The following KCNK2 variants were observed in gnomAD, a reference collection of about 807,000 sequenced individuals.
KCNK2 encodes potassium channel subfamily K member 2.
KCNK2 carries 21 observed loss-of-function variants against 40.5 expected under a neutral mutation model. The ratio of observed to expected loss-of-function variants is 0.52; its 90% CI spans 0.37 to 0.75. The LOEUF is 0.75. Among genes scored for constraint, KCNK2 ranks in the 30% least tolerant of loss-of-function variants. The pLI is 0.00. For synonymous variants in KCNK2, 191 were observed against 202.2 expected (o/e 0.94, Z 0.47); for missense variants, 399 against 531.6 (o/e 0.75, Z 2.45).
intron 6 of KCNK2, among the ~76,000 whole-genome samples, chr1:215,221,597 G>A (rs1395866083): frequency 6.6e-6 from 1 of 151,900 alleles, no homozygotes; most frequent in Non-Finnish European, 1.5e-5. Context: ...CCATCATAAC[G>A]GCCTTCATCC....
At chr1:215,164,716 A>G (rs971320384) in intron 3 of KCNK2, among the ~76,000 whole-genome samples, 5 of 152,118 alleles carry the variant, frequency 3.3e-5, no homozygotes, top group African/African-American at 7.2e-5. Context: ...TCACAGCTTC[A>G]GGGTCACTTA....
chr1:215,082,853 C>A lies in KCNK2; in HGVS notation c.-533C>A, dbSNP rs949693565. On this transcript the variant is annotated 5_prime_UTR_variant, in exon 1 of 7. Coordinates refer to ENST00000444842, the MANE Select transcript of KCNK2 (RefSeq NM_001017425.3). The stretch of plus-strand genomic sequence containing the variant: ...CCCCCGCGGGGCACGGAGGGCATTG[C>A]GGGGGGAGACACACAAAGACATGCG... Among the ~76,000 whole-genome samples the A allele has an allele frequency of 3.3e-5, 5 of 152,004 alleles. No individual in the cohort carries two copies. The highest frequency in any genetic ancestry group is 2.6e-4 in the Admixed American group (4 of 15,290).
In KCNK2 at chr1:215,083,437, A is replaced by ACC. The variant is rs574383045; in HGVS notation, c.46+12_46+13dup. On this transcript the variant is annotated splice_region_variant and intron_variant, in intron 1 of 6. Coordinates refer to ENST00000444842, the MANE Select transcript of KCNK2 (RefSeq NM_001017425.3). ...ACCCGGCTATAGAGCAGGAGGTGAG[A>ACC]CCCCCCCTCCGGTACCCCCACCCCT... 9 of 1,604,654 alleles carry ACC rather than the reference A, an allele frequency of 5.6e-6. No homozygotes were observed. Among genetic ancestry groups the ACC allele is most frequent in the East Asian group, 2.2e-5 (1 of 44,682 alleles).
intron 2 of KCNK2, among the ~76,000 whole-genome samples, chr1:215,092,068 C>G (rs1446112734): frequency 6.6e-6 from 1 of 152,040 alleles, no homozygotes; most frequent in African/African-American, 2.4e-5. Context: ...GAAAATAGAC[C>G]ACACAAGGCA....
At chr1:215,020,812 T>C (rs1360218829) in intron 1 of KCNK2, among the ~76,000 whole-genome samples, 2 of 152,176 alleles carry the variant, frequency 1.3e-5, no homozygotes, top group Non-Finnish European at 2.9e-5. Flanking sequence ...TAGAGTTTGC[T>C]TTATACTTTA....
intron 3 of KCNK2, among the ~76,000 whole-genome samples, chr1:215,142,264 T>G (rs1662216262): frequency 6.6e-6 from 1 of 152,152 alleles, no homozygotes. Context: ...CCAAACATAT[T>G]CTGGGTCCTG....
intron 1 of KCNK2, among the ~76,000 whole-genome samples, chr1:215,011,586 C>T (rs1014144811): frequency 6.6e-6 from 1 of 151,706 alleles, no homozygotes; most frequent in African/African-American, 2.4e-5. Context: ...GTCACCATGC[C>T]CGGCCTTGAG....
At chr1:215,088,261 C>T (rs1659541040) in intron 2 of KCNK2, among the ~76,000 whole-genome samples, 1 of 152,132 alleles carries the variant, frequency 6.6e-6, no homozygotes, top group South Asian at 2.1e-4. Flanking sequence ...GCAGTAAAAG[C>T]TTCAACTTTG....
At chr1:215,038,458 C>A (rs1657458364) in intron 1 of KCNK2, among the ~76,000 whole-genome samples, 1 of 152,048 alleles carries the variant, frequency 6.6e-6, no homozygotes, top group Admixed American at 6.6e-5. Context: ...GTAGCCCCTT[C>A]CATTTTCTGG....
chr1:215,007,027 A>ATATATGTGTGTGTG (rs1656157008), intron 1 of KCNK2, among the ~76,000 whole-genome samples: 1 of 56,152 alleles, frequency 1.8e-5, no homozygotes, highest in Non-Finnish European at 4.2e-5. Flanking sequence ...ATATATATAT[A>ATATATGTGTGTGTG]TATATATATA....
chr1:215,195,145 T>C, intron 6 of KCNK2, 53 bp downstream of exon 6: 2 of 1,234,926 alleles, frequency 1.6e-6, no homozygotes, highest in Non-Finnish European at 2.2e-6. Flanking sequence ...TCAATAAAGG[T>C]TATTTTAAAT....
At chr1:215,229,165 T>G (rs1391541732) in intron 6 of KCNK2, among the ~76,000 whole-genome samples, 1 of 152,090 alleles carries the variant, frequency 6.6e-6, no homozygotes, top group Non-Finnish European at 1.5e-5. Context: ...GTCAAAGGAT[T>G]AGATACCCCT....
chr1:215,135,275 T>C (rs1312525365), intron 3 of KCNK2, among the ~76,000 whole-genome samples: 1 of 152,158 alleles, frequency 6.6e-6, no homozygotes, highest in African/African-American at 2.4e-5. Flanking sequence ...AAAGCTAGTG[T>C]GATTCTGGGC....
At position 215,132,021 on chromosome 1, in the gene KCNK2, A is replaced by C. The variant is rs1230508796; in HGVS notation, c.475+7271A>C. On this transcript the variant is annotated intron_variant, in intron 3 of 6. Coordinates refer to ENST00000444842, the MANE Select transcript of KCNK2 (RefSeq NM_001017425.3). ...AGTAATTACGAAAACAAAACAAAAC[A>C]AAAAAACACCAGGAAGAAAATTAAA... Among the ~76,000 whole-genome samples, 4 of 152,216 alleles carry C rather than the reference A, an allele frequency of 2.6e-5. No homozygotes were observed. The East Asian group carries it at 7.7e-4, about 29-fold the overall frequency.
Position 215,083,204 on chromosome 1 carries a change from G to GGCCACC in KCNK2, c.-182_-181insGCCACC. The GGCCACC allele has an allele frequency of 7.3e-6, 2 of 273,550 alleles. No homozygotes were observed. The highest frequency in any genetic ancestry group is 1.3e-5 in the Non-Finnish European group (2 of 155,378). The allele number at this position is 273,550 out of a possible 1,614,324, so 16.9% of individuals were successfully genotyped here. On this transcript the variant is annotated 5_prime_UTR_variant, in exon 1 of 7. Transcript: ENST00000444842. ...CGTTTCTTCTCACGCTCCCCCCCCC[G>GGCCACC]CCCCCTCCCGCGTCCAGCCCCGCTC...
At chr1:215,069,079 C>T (rs1350793280) in intron 1 of KCNK2, among the ~76,000 whole-genome samples, 3 of 152,140 alleles carry the variant, frequency 2.0e-5, no homozygotes, top group African/African-American at 4.8e-5. Flanking sequence ...CAGATAGCAG[C>T]AGTACAAATG....
intron 6 of KCNK2, among the ~76,000 whole-genome samples, chr1:215,213,174 T>C (rs1665812438): frequency 3.9e-5 from 6 of 152,226 alleles, no homozygotes; most frequent in Admixed American, 3.9e-4. Flanking sequence ...CTCTGCATTT[T>C]ACCAGTGGGA....
chr1:215,070,261 A>G (rs1188980653), intron 1 of KCNK2, among the ~76,000 whole-genome samples: 1 of 151,530 alleles, frequency 6.6e-6, no homozygotes, highest in African/African-American at 2.4e-5. Context: ...AAAACACAAA[A>G]AGAAATTAGC....
chr1:215,032,683 G>T (rs1262437086), intron 1 of KCNK2, among the ~76,000 whole-genome samples: 1 of 151,972 alleles, frequency 6.6e-6, no homozygotes, highest in Non-Finnish European at 1.5e-5. Flanking sequence ...TTTTCTCTCA[G>T]TATTTTAAAT....
Sources: allele counts gnomAD v4.1 joint callset (sites outside exome capture counted in the v4.1 genomes callset), GRCh38; gene constraint gnomAD v4.1.1; transcripts MANE v1.5; gene names NCBI Gene and HGNC (gene_info 2026-07-23, HGNC 2026-07-21).